The following LRMDA variants were observed in gnomAD, a reference collection of about 807,000 sequenced individuals.
LRMDA encodes the protein leucine-rich melanocyte differentiation-associated protein.
LRMDA carries 18 observed loss-of-function variants against 29.8 expected under a neutral mutation model. The observed-to-expected ratio is 0.60, with a 90% CI of 0.42 to 0.90. The LOEUF is 0.90. Ranked by LOEUF, LRMDA falls within the 40% of genes least tolerant of loss-of-function variation. The pLI is 0.00. For missense variants in LRMDA, 273 were observed against 273.9 expected (o/e 1.00, Z 0.02); for synonymous variants, 125 against 109.4 (o/e 1.14, Z -0.89).
intron 2 of LRMDA, among the ~76,000 whole-genome samples, chr10:75,925,162 A>G (rs923103706): frequency 6.6e-6 from 1 of 152,196 alleles, no homozygotes; most frequent in African/African-American, 2.4e-5. Flanking sequence ...CACTTTAGCT[A>G]TGTAAGAGGA....
chr10:75,772,796 G>A (rs978308080), intron 2 of LRMDA, among the ~76,000 whole-genome samples: 1 of 139,454 alleles, frequency 7.2e-6, no homozygotes, highest in Non-Finnish European at 1.5e-5. Flanking sequence ...TCATTTGCAG[G>A]ACTAGAGCAC....
In LRMDA at chr10:76,559,000, T is replaced by C. The variant is rs1843592846; in HGVS notation, c.*1712T>C. ...CTCTGTTTGATCTACAAAACAGCACTGGAAAAATGCTTTAAATTATCTGCA... is the reference window on the plus strand; with the variant it reads ...CTCTGTTTGATCTACAAAACAGCACCGGAAAAATGCTTTAAATTATCTGCA... On this transcript the variant is annotated 3_prime_UTR_variant, in exon 7 of 7. Transcript: ENST00000611255. The C allele has an allele frequency of 6.6e-6, 1 of 152,234 alleles. No homozygotes were observed. The highest frequency in any genetic ancestry group is 1.5e-5 in the Non-Finnish European group (1 of 68,042). The allele number at this position is 152,234 out of a possible 1,614,324, so 9.4% of individuals were successfully genotyped here. A position where few individuals can be genotyped will look rare whatever the true frequency, so the allele number is the denominator to read the frequency against.
intron 2 of LRMDA, among the ~76,000 whole-genome samples, chr10:75,526,465 C>T (rs943024887): frequency 1.3e-5 from 2 of 151,918 alleles, no homozygotes; most frequent in Non-Finnish European, 2.9e-5. Context: ...CCTGCAAACC[C>T]TATAAAACAG....
intron 2 of LRMDA, among the ~76,000 whole-genome samples, chr10:75,663,175 G>T (rs989480747): frequency 6.6e-6 from 1 of 152,140 alleles, no homozygotes; most frequent in African/African-American, 2.4e-5. Flanking sequence ...TTTTGTAGAG[G>T]ACTCTTAGGG....
chr10:76,124,993 C>T (rs1426709011), intron 5 of LRMDA, among the ~76,000 whole-genome samples: 2 of 152,232 alleles, frequency 1.3e-5, no homozygotes, highest in Non-Finnish European at 2.9e-5. Context: ...TATGACATTT[C>T]TACTTAACTA....
At chr10:75,552,431 C>G (rs548510503) in intron 2 of LRMDA, 9 of 285,374 alleles carry the variant, frequency 3.2e-5, no homozygotes, top group Admixed American at 1.4e-4. Flanking sequence ...TTTTTCCCCC[C>G]CCTCTGGCTG....
chr10:76,383,436 T>G (rs1841618594), intron 6 of LRMDA, among the ~76,000 whole-genome samples: 1 of 115,390 alleles, frequency 8.7e-6, no homozygotes, highest in African/African-American at 3.0e-5. Flanking sequence ...TTTTTTTTTT[T>G]TTTTTGAGAC....
chr10:75,772,418 G>A (rs545181612), intron 2 of LRMDA, among the ~76,000 whole-genome samples: 7 of 152,252 alleles, frequency 4.6e-5, no homozygotes, highest in South Asian at 4.1e-4. Flanking sequence ...AGTTGAGTTC[G>A]TGAAACGCCA....
In LRMDA at chr10:75,620,408, G is replaced by A. The variant is rs576167409; in HGVS notation, c.131+181914G>A. 2.0e-5 allele frequency among the ~76,000 whole-genome samples: 3 copies of A among 152,310 alleles called. No homozygotes were observed. The South Asian group carries it at 6.2e-4, about 32-fold the overall frequency. On this transcript the variant is annotated intron_variant, in intron 2 of 6. Coordinates refer to ENST00000611255, the MANE Select transcript of LRMDA (RefSeq NM_001305581.2). ...ATGTAGATAGGTCTCAGGTTTAGGA[G>A]CTGGCTGATTGTTATTGGTTCTGCT...
At chr10:75,717,601 G>C (rs1842517435) in intron 2 of LRMDA, among the ~76,000 whole-genome samples, 1 of 152,308 alleles carries the variant, frequency 6.6e-6, no homozygotes, top group Middle Eastern at 3.4e-3. Flanking sequence ...CAGGAGGCAA[G>C]GAGGGTGATG....
At chr10:75,821,595 C>T (rs1320288487) in intron 2 of LRMDA, among the ~76,000 whole-genome samples, 1 of 152,044 alleles carries the variant, frequency 6.6e-6, no homozygotes. Context: ...TGGTGAAACC[C>T]TATCTGTACT....
In LRMDA at chr10:76,370,493, C is replaced by T. The variant is rs184090080; in HGVS notation, c.601+46008C>T. ...CCAGTGTTTGCAAGTGACCCCTTAT[C>T]CTGTCTTTTAAAGAAAATAGCATAT... On this transcript the variant is annotated intron_variant, in intron 6 of 6. Coordinates refer to ENST00000611255, the MANE Select transcript of LRMDA (RefSeq NM_001305581.2). 3.2e-3 allele frequency among the ~76,000 whole-genome samples: 480 copies of T among 152,230 alleles called. 2 individuals carry two copies. The highest frequency in any genetic ancestry group is 0.01 in the Middle Eastern group (3 of 294).
chr10:75,560,336 T>C (rs1840275003), intron 2 of LRMDA, among the ~76,000 whole-genome samples: 1 of 151,798 alleles, frequency 6.6e-6, no homozygotes, highest in Admixed American at 6.6e-5. Flanking sequence ...TCTCTGTTTG[T>C]CTGTTATTGG....
chr10:76,434,554 C>A (rs1487508469), intron 6 of LRMDA, among the ~76,000 whole-genome samples: 3 of 152,162 alleles, frequency 2.0e-5, no homozygotes, highest in Non-Finnish European at 2.9e-5. Context: ...CTTACCTACC[C>A]ACCCATCAGT....
intron 2 of LRMDA, among the ~76,000 whole-genome samples, chr10:76,033,637 A>G (rs1224996067): frequency 6.6e-6 from 1 of 152,160 alleles, no homozygotes; most frequent in African/African-American, 2.4e-5. Context: ...TATTTGCATA[A>G]CGTAACTCAG....
At chr10:75,750,444 C>T (rs1238786017) in intron 2 of LRMDA, among the ~76,000 whole-genome samples, 2 of 86,988 alleles carry the variant, frequency 2.3e-5, no homozygotes, top group African/African-American at 4.6e-5. Context: ...CAGACGGGGT[C>T]GCGGCCGGGC....
At chr10:76,345,218 T>C (rs935933230) in intron 6 of LRMDA, among the ~76,000 whole-genome samples, 2 of 149,184 alleles carry the variant, frequency 1.3e-5, no homozygotes, top group Admixed American at 6.7e-5. Context: ...AGGCGCCCGC[T>C]ACCACGCCCG....
intron 6 of LRMDA, among the ~76,000 whole-genome samples, chr10:76,506,297 C>T (rs1403639544): frequency 6.6e-6 from 1 of 152,118 alleles, no homozygotes; most frequent in African/African-American, 2.4e-5. Flanking sequence ...AATATAATGT[C>T]CTTTTTTCCC....
At chr10:76,297,972 T>C (rs540645622) in intron 5 of LRMDA, among the ~76,000 whole-genome samples, 13 of 152,374 alleles carry the variant, frequency 8.5e-5, no homozygotes, top group African/African-American at 2.4e-4. Context: ...TGCAGCCGCA[T>C]GTGCCGACTG....
Sources: allele counts gnomAD v4.1 joint callset (sites outside exome capture counted in the v4.1 genomes callset), GRCh38; gene constraint gnomAD v4.1.1; transcripts MANE v1.5; gene names NCBI Gene and HGNC (gene_info 2026-07-23, HGNC 2026-07-21).